CADM2: variants seen among roughly 807,000 people sequenced by gnomAD.
CADM2 encodes the protein cell adhesion molecule 2, also known as immunoglobulin superfamily member 4D.
A neutral mutation model predicts 49.8 loss-of-function variants in CADM2; 12 were observed. The ratio of observed to expected loss-of-function variants is 0.24; its 90% CI spans 0.15 to 0.39. The LOEUF is 0.39. Among genes scored for constraint, CADM2 ranks in the 10% least tolerant of loss-of-function variants. The pLI is 1.00. For synonymous variants in CADM2, 214 were observed against 175.4 expected (o/e 1.22, Z -1.74); for missense variants, 378 against 492.3 (o/e 0.77, Z 2.20).
rs751868935 is a variant in CADM2, at chr3:85,883,286, T to G, written c.239-5T>G. On this transcript the variant is annotated splice_polypyrimidine_tract_variant and splice_region_variant and intron_variant, in intron 3 of 9. Coordinates refer to ENST00000383699, the MANE Select transcript of CADM2 (RefSeq NM_001167675.2). ...ATTTACATTTTCAATATTTTCTCTTTCCAGCTTTAAGGGACAATAGGATCG... is the reference window on the plus strand; with the variant it reads ...ATTTACATTTTCAATATTTTCTCTTGCCAGCTTTAAGGGACAATAGGATCG... 2.5e-6 allele frequency: 4 copies of G among 1,602,102 alleles called. No individual in the cohort carries two copies. Among genetic ancestry groups the G allele is most frequent in the Non-Finnish European group, 3.4e-6 (4 of 1,172,766 alleles).
intron 8 of CADM2, among the ~76,000 whole-genome samples, chr3:85,968,192 A>G (rs1725696059): frequency 6.6e-6 from 1 of 151,580 alleles, no homozygotes; most frequent in Non-Finnish European, 1.5e-5. Flanking sequence ...CTGAGATAAA[A>G]CGCTATCATT....
At chr3:85,087,949 G>A (rs1200509290) in intron 1 of CADM2, among the ~76,000 whole-genome samples, 1 of 152,076 alleles carries the variant, frequency 6.6e-6, no homozygotes, top group African/African-American at 2.4e-5. Flanking sequence ...ATGCCTGTTT[G>A]GCTGCGGAAA....
In CADM2 at chr3:85,538,409, A is replaced by C. The variant is rs573292212; in HGVS notation, c.62-188113A>C. 2.0e-5 allele frequency among the ~76,000 whole-genome samples: 3 copies of C among 151,940 alleles called. No individual in the cohort carries two copies. The South Asian group carries it at 6.2e-4, about 32-fold the overall frequency. On this transcript the variant is annotated intron_variant, in intron 1 of 9. Transcript: ENST00000383699. ...GCTCCTTGGAGAAGGGCACATGGTT[A>C]TGAAGGGACTATGCTGAGATGCAGG...
intron 3 of CADM2, among the ~76,000 whole-genome samples, chr3:85,807,928 G>T (rs1160721672): frequency 6.6e-6 from 1 of 152,066 alleles, no homozygotes; most frequent in Non-Finnish European, 1.5e-5. Context: ...CTTTCAGGGG[G>T]ACATTGTGGC....
chr3:85,883,746 A>T (rs541210188), intron 4 of CADM2, among the ~76,000 whole-genome samples: 16 of 152,178 alleles, frequency 1.1e-4, no homozygotes, highest in Non-Finnish European at 1.9e-4. Flanking sequence ...TTTATCAAAT[A>T]ATCTATATGT....
intron 5 of CADM2, among the ~76,000 whole-genome samples, chr3:85,898,888 AT>A (rs1471737150): frequency 3.0e-5 from 4 of 135,144 alleles, no homozygotes; most frequent in African/African-American, 1.1e-4. Context: ...AGGCCTTGCC[AT>A]TTTCCAAAAT....
At chr3:85,383,503 C>CATATATATATATATATATATATATATAT (rs1241135851) in intron 1 of CADM2, among the ~76,000 whole-genome samples, 10 of 109,242 alleles carry the variant, frequency 9.2e-5, no homozygotes, top group South Asian at 5.8e-4. Flanking sequence ...TACATAAAAC[C>CATATATATATATATATATATATATATAT]ATATATATAT....
intron 1 of CADM2, among the ~76,000 whole-genome samples, chr3:85,016,371 T>A (rs2034248355): frequency 1.3e-5 from 2 of 152,168 alleles, no homozygotes; most frequent in African/African-American, 4.8e-5. Context: ...AAAATGGAAA[T>A]AAAGATATAG....
intron 1 of CADM2, among the ~76,000 whole-genome samples, chr3:85,704,854 A>T (rs2107719254): frequency 6.7e-6 from 1 of 149,116 alleles, no homozygotes; most frequent in Non-Finnish European, 1.5e-5. Context: ...TTATTTATTT[A>T]TTATTATTAT....
At chr3:85,584,102 A>AT (rs1212368812) in intron 1 of CADM2, among the ~76,000 whole-genome samples, 1 of 152,042 alleles carries the variant, frequency 6.6e-6, no homozygotes, top group East Asian at 1.9e-4. Context: ...TTGAGAAACT[A>AT]TTTTTGGTTA....
At chr3:85,261,361 C>A (rs1182171026) in intron 1 of CADM2, among the ~76,000 whole-genome samples, 2 of 152,050 alleles carry the variant, frequency 1.3e-5, no homozygotes, top group Non-Finnish European at 2.9e-5. Flanking sequence ...GTCTTGAACT[C>A]CTGACCTAGT....
chr3:85,154,471 C>T lies in CADM2; in HGVS notation c.61+194803C>T, dbSNP rs557792929. On this transcript the variant is annotated intron_variant, in intron 1 of 9. Coordinates refer to ENST00000383699, the MANE Select transcript of CADM2 (RefSeq NM_001167675.2). ...ACCAAATCTACATCTGATTGGTGTA[C>T]TTGAAAGTGACGGGGAGAATGGAAC... Among the ~76,000 whole-genome samples, 131 of 152,222 alleles carry T rather than the reference C, an allele frequency of 8.6e-4. 1 individual carries two copies. The Middle Eastern group carries it at 0.02, about 24-fold the overall frequency.
At chr3:85,961,818 C>T (rs962631422) in intron 8 of CADM2, among the ~76,000 whole-genome samples, 171 bp downstream of exon 8, 1 of 151,464 alleles carries the variant, frequency 6.6e-6, no homozygotes, top group African/African-American at 2.4e-5. Flanking sequence ...TAATATATTC[C>T]CAGTCAGACT....
rs777299754 is a variant in CADM2, at chr3:85,381,944, C to G, written c.62-344578C>G. The stretch of plus-strand genomic sequence containing the variant: ...TCTCAGGAATCATCACTCTAATCAG[C>G]AGAAAGCCCCTTCCATGTAGCTATT... On this transcript the variant is annotated intron_variant, in intron 1 of 9. Transcript: ENST00000383699. 1.2e-3 allele frequency among the ~76,000 whole-genome samples: 175 copies of G among 151,952 alleles called. 2 individuals are homozygous for G. Among genetic ancestry groups the G allele is most frequent in the Non-Finnish European group, 2.2e-3 (150 of 67,974 alleles).
chr3:85,067,516 A>G (rs1433088982), intron 1 of CADM2, among the ~76,000 whole-genome samples: 1 of 152,172 alleles, frequency 6.6e-6, no homozygotes, highest in Non-Finnish European at 1.5e-5. Flanking sequence ...TAACAGTTTT[A>G]CCCGTAGAAG....
chr3:85,378,284 T>C (rs2033707236), intron 1 of CADM2, among the ~76,000 whole-genome samples: 1 of 152,030 alleles, frequency 6.6e-6, no homozygotes, highest in Non-Finnish European at 1.5e-5. Context: ...GCCACTCGTA[T>C]ATTTATCTTC....
intron 1 of CADM2, among the ~76,000 whole-genome samples, chr3:85,599,354 T>G (rs1416624704): frequency 6.6e-6 from 1 of 152,008 alleles, no homozygotes. Flanking sequence ...AATTACAGTC[T>G]TTTAACCTGG....
intron 1 of CADM2, among the ~76,000 whole-genome samples, chr3:85,472,811 A>G (rs1377120348): frequency 1.3e-4 from 20 of 151,978 alleles, no homozygotes; most frequent in Admixed American, 1.1e-3. Context: ...TCGATGGAAA[A>G]TGAAATCTTA....
At chr3:85,212,174 G>A (rs2041795549) in intron 1 of CADM2, among the ~76,000 whole-genome samples, 1 of 152,000 alleles carries the variant, frequency 6.6e-6, no homozygotes, top group South Asian at 2.1e-4. Flanking sequence ...TGTCTTTATA[G>A]ATAAAGTGTA....
Sources: allele counts gnomAD v4.1 joint callset (sites outside exome capture counted in the v4.1 genomes callset), GRCh38; gene constraint gnomAD v4.1.1; transcripts MANE v1.5; gene names NCBI Gene and HGNC (gene_info 2026-07-23, HGNC 2026-07-21).